The following CYP2C8 variants were observed in gnomAD, a reference collection of about 807,000 sequenced individuals.
The protein encoded by CYP2C8 is cytochrome P450 family 2 subfamily C member 8, also known as cytochrome P450 2C8.
A neutral mutation model predicts 41.3 loss-of-function variants in CYP2C8; 51 were observed. The ratio of observed to expected loss-of-function variants is 1.24; its 90% CI spans 0.99 to 1.56. The LOEUF is 1.56. Among genes scored for constraint, CYP2C8 ranks in the 40% most tolerant of loss-of-function variants. The pLI, the probability that CYP2C8 is intolerant of heterozygous loss-of-function variation, is 0.00. For synonymous variants in CYP2C8, 218 were observed against 205.8 expected (o/e 1.06, Z -0.51); for missense variants, 651 against 579.9 (o/e 1.12, Z -1.26).
At chr10:95,057,476 C>T (rs11572107) in intron 5 of CYP2C8, among the ~76,000 whole-genome samples, 12,148 of 151,894 alleles carry the variant, frequency 0.08, 609 homozygotes, top group Middle Eastern at 0.16. Context: ...ATTTTTGTTG[C>T]GACTGAATGA....
chr10:95,046,838 T>C (rs545359538), intron 5 of CYP2C8, among the ~76,000 whole-genome samples: 9 of 152,220 alleles, frequency 5.9e-5, no homozygotes, highest in South Asian at 2.1e-4. Flanking sequence ...ATAAGACTTC[T>C]TGTATTTGAG....
intron 4 of CYP2C8, among the ~76,000 whole-genome samples, chr10:95,063,008 G>A (rs1157589335): frequency 5.3e-5 from 8 of 152,162 alleles, no homozygotes; most frequent in East Asian, 3.8e-4. Flanking sequence ...CGAGAGATCC[G>A]CTGTTAGTCT....
At chr10:95,042,498 A>T (rs1240670522) in intron 7 of CYP2C8, among the ~76,000 whole-genome samples, 2 of 152,218 alleles carry the variant, frequency 1.3e-5, no homozygotes, top group Non-Finnish European at 2.9e-5. Context: ...AAAATAAGAC[A>T]TTACTGAGAA....
At chr10:95,063,120 G>A (rs547208415) in intron 4 of CYP2C8, among the ~76,000 whole-genome samples, 43 of 152,172 alleles carry the variant, frequency 2.8e-4, no homozygotes, top group Admixed American at 2.3e-3. Context: ...ATGTGTCTTG[G>A]AGTTGCTCTT....
Position 95,036,908 on chromosome 10 carries a change from A to G in CYP2C8, c.*220T>C. 1.7e-6 allele frequency: 1 copy of G among 587,350 alleles called. No homozygotes were observed. The highest frequency in any genetic ancestry group is 3.1e-6 in the Non-Finnish European group (1 of 325,464). 36.4% of individuals were successfully genotyped at this position (587,350 alleles called of 1,614,324 possible). ...GTCAGCATTAGAAAAGTATTAGCAT[A>G]TGCAGCAATTAATACAAGTGTTACA... On this transcript the variant is annotated 3_prime_UTR_variant, in exon 9 of 9. Transcript: ENST00000371270.
intron 5 of CYP2C8, among the ~76,000 whole-genome samples, chr10:95,053,581 C>A (rs548464856): frequency 3.9e-5 from 6 of 152,224 alleles, no homozygotes; most frequent in Admixed American, 3.9e-4. Flanking sequence ...GAGTACTATG[C>A]AGCCATAAAA....
intron 4 of CYP2C8, among the ~76,000 whole-genome samples, chr10:95,060,877 C>T (rs1356800985): frequency 6.6e-6 from 1 of 152,098 alleles, no homozygotes; most frequent in African/African-American, 2.4e-5. Context: ...TTTTAAAAGG[C>T]CTTTTCTGCA....
rs767728082 is a variant in CYP2C8, at chr10:95,067,163, GACAGGTA to G, written c.481+38_481+44del. On this transcript the variant is annotated intron_variant, in intron 3 of 8. Coordinates refer to ENST00000371270, the MANE Select transcript of CYP2C8 (RefSeq NM_000770.3). ...TGTTTCCAAGGACGTCACTAGTGAA[GACAGGTA>G]ACTGTTAAGGTCAATGACGCAGAGT... The G allele has an allele frequency of 3.7e-6, 6 of 1,613,572 alleles. No individual in the cohort carries two copies. In the East Asian group the frequency reaches 1.3e-4, roughly 36 times the overall value.
intron 5 of CYP2C8, among the ~76,000 whole-genome samples, chr10:95,050,389 C>A (rs1442657968): frequency 6.6e-6 from 1 of 152,152 alleles, no homozygotes; most frequent in Non-Finnish European, 1.5e-5. Flanking sequence ...GATTCACCAC[C>A]AACTGATTGT....
At chr10:95,040,955 A>G (rs1295593254) in intron 7 of CYP2C8, 6 of 456,286 alleles carry the variant, frequency 1.3e-5, no homozygotes, top group South Asian at 9.3e-5. Flanking sequence ...TCTTGTTATC[A>G]AAGCTCTGAA....
intron 7 of CYP2C8, chr10:95,041,099 A>T (rs929856440): frequency 2.7e-6 from 1 of 364,746 alleles, no homozygotes; most frequent in African/African-American, 2.1e-5. Flanking sequence ...TGAGGCCAGT[A>T]TATACAATCA....
intron 4 of CYP2C8, among the ~76,000 whole-genome samples, chr10:95,062,510 C>T (rs1291796868): frequency 1.3e-5 from 2 of 152,082 alleles, no homozygotes; most frequent in East Asian, 3.8e-4. Flanking sequence ...TTCCTCCTTC[C>T]CTTTATTTTG....
intron 1 of CYP2C8, 113 bp from the exon 2 acceptor site, chr10:95,067,804 A>G: frequency 9.1e-7 from 1 of 1,098,736 alleles, no homozygotes; most frequent in African/African-American, 1.6e-5. Flanking sequence ...TTTGCCACAC[A>G]TAGATTCGAT....
chr10:95,039,356 AT>A lies in CYP2C8; in HGVS notation c.1150-319del, dbSNP rs558311772. 477 of 349,176 alleles carry A rather than the reference AT, an allele frequency of 1.4e-3. 1 individual carries two copies. Among genetic ancestry groups the A allele is most frequent in the Non-Finnish European group, 1.4e-3 (250 of 184,224 alleles). 21.6% of individuals were successfully genotyped at this position (349,176 alleles called of 1,614,324 possible). On this transcript the variant is annotated intron_variant, in intron 7 of 8. Coordinates refer to ENST00000371270, the MANE Select transcript of CYP2C8 (RefSeq NM_000770.3). ...TCACTTCAAATTTGACACATCTTGT[AT>A]TTTGATTATGTAGATTATGGTTTAA...
intron 5 of CYP2C8, among the ~76,000 whole-genome samples, chr10:95,055,662 A>T (rs1255844524): frequency 6.6e-6 from 1 of 152,262 alleles, no homozygotes; most frequent in Non-Finnish European, 1.5e-5. Flanking sequence ...GGACAAAATT[A>T]AAAATGTGAA....
At chr10:95,053,283 T>A (rs1479515982) in intron 5 of CYP2C8, among the ~76,000 whole-genome samples, 1 of 152,202 alleles carries the variant, frequency 6.6e-6, no homozygotes, top group Middle Eastern at 3.2e-3. Context: ...CTGGCGATGA[T>A]GCAGAGAAAT....
chr10:95,042,160 A>G (rs2033015487), intron 7 of CYP2C8, among the ~76,000 whole-genome samples: 1 of 152,198 alleles, frequency 6.6e-6, no homozygotes, highest in Non-Finnish European at 1.5e-5. Flanking sequence ...AATTCTGTTC[A>G]ATGCTAACCT....
intron 5 of CYP2C8, among the ~76,000 whole-genome samples, chr10:95,056,235 A>T (rs1207440972): frequency 1.3e-5 from 2 of 152,192 alleles, no homozygotes; most frequent in Non-Finnish European, 2.9e-5. Context: ...GCACTGACAC[A>T]AAAAACAGAA....
At chr10:95,063,237 C>T (rs1216670425) in intron 4 of CYP2C8, among the ~76,000 whole-genome samples, 4 of 152,216 alleles carry the variant, frequency 2.6e-5, no homozygotes, top group African/African-American at 9.6e-5. Flanking sequence ...AGAGTGTTTT[C>T]CAACTCAGTT....
Sources: gnomAD v4.1 joint callset for allele counts (sites outside exome capture counted in the v4.1 genomes callset) on GRCh38, gnomAD v4.1.1 for gene constraint, MANE v1.5 for transcripts, NCBI Gene and HGNC (gene_info 2026-07-23, HGNC 2026-07-21) for gene names.